The following GPN1 variants were observed in gnomAD, a reference collection of about 807,000 sequenced individuals.
GPN1 encodes the protein ATP(GTP)-binding protein.
GPN1 carries 44 observed loss-of-function variants against 55.9 expected under a neutral mutation model. The observed-to-expected ratio is 0.79, with a 90% CI of 0.62 to 1.01. GPN1 has a LOEUF of 1.01. Among genes scored for constraint, GPN1 ranks in the 50% least tolerant of loss-of-function variants. The pLI, the probability that GPN1 is intolerant of heterozygous loss-of-function variation, is 0.00. For missense variants in GPN1, 466 were observed against 462.8 expected, an observed-to-expected ratio of 1.01 and a Z score of -0.06; for synonymous variants, 179 against 162.5, an observed-to-expected ratio of 1.10 and a Z score of -0.77.
intron 10 of GPN1, 148 bp downstream of exon 10, chr2:27,640,273 G>T: frequency 1.5e-6 from 1 of 659,786 alleles, no homozygotes; most frequent in Non-Finnish European, 2.7e-6. Flanking sequence ...ACCACACTTA[G>T]GGGTGACAAG....
upstream of GPN1, chr2:27,628,321 A>T (rs1673367822): frequency 7.2e-7 from 1 of 1,384,914 alleles, no homozygotes; most frequent in South Asian, 1.4e-5. Flanking sequence ...AGGCTCTTTC[A>T]TCATCTTTCC....
At chr2:27,637,343 TG>T (rs142336682) in intron 7 of GPN1, among the ~76,000 whole-genome samples, 10,025 of 152,242 alleles carry the variant, frequency 0.066, 447 homozygotes, top group Non-Finnish European at 0.1. Flanking sequence ...GAGTAGGGGT[TG>T]GGTTTTGCTG....
intron 7 of GPN1, among the ~76,000 whole-genome samples, chr2:27,636,885 G>A (rs1041779887): frequency 1.3e-5 from 2 of 152,124 alleles, no homozygotes; most frequent in African/African-American, 4.8e-5. Context: ...GTCTCGCCAT[G>A]CTGCCCAGGC....
rs775455347 is a variant in GPN1, at chr2:27,634,939, A to G, written c.429+15A>G. ...CTGAAGCCCTTGTGAGTATTCTAGG[A>G]CTTGCTACTGAGAGTAGCTAGAGGG... is the stretch of plus-strand genomic sequence containing the variant. On this transcript the variant is annotated intron_variant, in intron 6 of 13. Transcript: ENST00000610189. The G allele has an allele frequency of 1.3e-6, 2 of 1,482,022 alleles. No individual in the cohort carries two copies. Among genetic ancestry groups the G allele is most frequent in the African/African-American group, 2.8e-5 (2 of 72,518 alleles). 91.8% of individuals were successfully genotyped at this position (1,482,022 alleles called of 1,614,324 possible). A position where few individuals can be genotyped will look rare whatever the true frequency, so the allele number is the denominator to read the frequency against.
chr2:27,647,536 T>G (rs1298512480), intron 12 of GPN1, among the ~76,000 whole-genome samples: 1 of 152,146 alleles, frequency 6.6e-6, no homozygotes, highest in African/African-American at 2.4e-5. Flanking sequence ...CCATCACCCC[T>G]TCCAAGCTGT....
chr2:27,638,324 G>C (rs767960859), intron 8 of GPN1, 69 bp downstream of exon 8: 59 of 854,374 alleles, frequency 6.9e-5, no homozygotes, highest in Non-Finnish European at 1.1e-4. Flanking sequence ...GGTTTAGGTG[G>C]GTGAGAAAGA....
At chr2:27,635,015 G>A in intron 6 of GPN1, 91 bp downstream of exon 6, 2 of 967,884 alleles carry the variant, frequency 2.1e-6, no homozygotes, top group Non-Finnish European at 3.4e-6. Flanking sequence ...TTATATGGGA[G>A]GAAGTTGTAG....
intron 11 of GPN1, 87 bp downstream of exon 11, chr2:27,641,366 T>C (rs1673943165): frequency 2.2e-6 from 2 of 912,962 alleles, no homozygotes; most frequent in Non-Finnish European, 3.5e-6. Context: ...TTTGTTTTGG[T>C]TATTAATGTA....
rs1674077015 is a variant in GPN1 at position 27,643,731 on chromosome 2, TTTCCTCATGA to T, written c.931+1215_931+1224del. Among the ~76,000 whole-genome samples, 1 of 152,222 alleles carries T rather than the reference TTTCCTCATGA, an allele frequency of 6.6e-6. No homozygotes were observed. The highest frequency in any genetic ancestry group is 1.5e-5 in the Non-Finnish European group (1 of 68,036). ...TCCTTCAGTTTAGGTTTGTCTCATG[TTTCCTCATGA>T]TTTGATTCAGGTGACTAATTTTTGA... On this transcript the variant is annotated intron_variant, in intron 12 of 13. Transcript: ENST00000610189. The surrounding 1 kb of genome is among the most constrained non-coding windows in gnomAD (Gnocchi z 4.0).
At chr2:27,629,787 G>A (rs1673461795) in intron 1 of GPN1, 72 bp from the exon 2 acceptor site, 7 of 828,224 alleles carry the variant, frequency 8.5e-6, no homozygotes, top group South Asian at 2.7e-5. Context: ...TAAGGCATGG[G>A]TGTTAAAGGA....
chr2:27,645,010 C>T (rs1674155937), intron 12 of GPN1, among the ~76,000 whole-genome samples: 1 of 152,048 alleles, frequency 6.6e-6, no homozygotes, highest in Admixed American at 6.6e-5. Flanking sequence ...CTCTGTCACC[C>T]AGGCTGGAGT....
Position 27,629,102 on chromosome 2 carries a change from G to T in GPN1, c.44G>T (p.Gly15Val). 6.2e-7 allele frequency: 1 copy of T among 1,614,260 alleles called. No individual in the cohort carries two copies. ...AAAAELQASG[G>V]PRHPVCLLVL... ...GCCGCTGAGCTCCAGGCTTCTGGGG[G>T]TCCGCGGCACCCAGTGTGTCTGTTG... Residue 15 changes from glycine (G) to valine (V), a missense_variant, in exon 1 of 14, where the codon GGT becomes GTT. By Grantham distance (109) the Gly-to-Val change is moderately radical. Transcript: ENST00000610189.
intron 13 of GPN1, among the ~76,000 whole-genome samples, chr2:27,648,691 A>G (rs1217688190): frequency 6.6e-6 from 1 of 152,206 alleles, no homozygotes; most frequent in African/African-American, 2.4e-5. Context: ...GCTGGAGTGC[A>G]GTGGCACGAT....
In GPN1 at chr2:27,643,404, C is replaced by G. The variant is rs187122926; in HGVS notation, c.931+885C>G. ...TTGAGTAAGTTACAGATATAATACT[C>G]TTTTACCTTGAATAATTCAGTGTCT... On this transcript the variant is annotated intron_variant, in intron 12 of 13. Coordinates refer to ENST00000610189, the MANE Select transcript of GPN1 (RefSeq NM_007266.4). The surrounding 1 kb of genome is among the most constrained non-coding windows in gnomAD (Gnocchi z 4.0). Among the ~76,000 whole-genome samples the G allele has an allele frequency of 1.4e-4, 21 of 151,970 alleles. No individual in the cohort carries two copies.
At chr2:27,645,053 G>A (rs1479104424) in intron 12 of GPN1, among the ~76,000 whole-genome samples, 2 of 151,846 alleles carry the variant, frequency 1.3e-5, no homozygotes, top group Non-Finnish European at 2.9e-5. Flanking sequence ...CTGCAGCCTC[G>A]AACTACTGGG....
At chr2:27,630,983 T>G (rs1279067148) in intron 2 of GPN1, 44 bp from the exon 3 acceptor site, 2 of 909,100 alleles carry the variant, frequency 2.2e-6, no homozygotes, top group African/African-American at 3.2e-5. Context: ...TGGTAGGGAA[T>G]GTGTATGTAT....
Position 27,647,862 on chromosome 2 carries a change from T to C in GPN1, c.958T>C (p.Ser320Pro). The C allele has an allele frequency of 9.3e-6, 15 of 1,612,934 alleles. No homozygotes were observed. The highest frequency in any genetic ancestry group is 1.3e-5 in the Non-Finnish European group (15 of 1,178,918). ...KDSLSPVLHP[S>P]DLILTRGTLD... Reference sequence around the variant, plus strand: ...CAGCTTATCTCCTGTGCTGCACCCTTCTGATTTGATCCTGACTCGAGGAAC... The same window carrying C: ...CAGCTTATCTCCTGTGCTGCACCCTCCTGATTTGATCCTGACTCGAGGAAC... Residue 320 changes from serine to proline, a missense_variant, in exon 13 of 14, where the codon TCT becomes CCT. Physicochemically the swap from Ser to Pro is moderately conservative, Grantham distance 74. Transcript: ENST00000610189.
chr2:27,631,756 G>A (rs1249800755), intron 3 of GPN1, 78 bp from the exon 4 acceptor site: 18 of 856,204 alleles, frequency 2.1e-5, no homozygotes, highest in Admixed American at 5.2e-5. Flanking sequence ...TCATAATGCC[G>A]TTTGTGTGAA....
upstream of GPN1, chr2:27,628,295 G>C (rs2148057819): frequency 2.6e-6 from 3 of 1,171,836 alleles, no homozygotes; most frequent in East Asian, 7.6e-5. Flanking sequence ...GTGGTCAGGA[G>C]TAGAAATAAT....
Sources: allele counts gnomAD v4.1 joint callset (sites outside exome capture counted in the v4.1 genomes callset), GRCh38; gene constraint gnomAD v4.1.1; non-coding constraint Gnocchi (gnomAD v3.1); transcripts MANE v1.5; gene names NCBI Gene and HGNC (gene_info 2026-07-23, HGNC 2026-07-21).